Variants in SHISA6 observed in about 807,000 individuals in gnomAD.
SHISA6 encodes the protein protein shisa-6.
In SHISA6, 22 loss-of-function variants were observed where a neutral mutation model predicts 47.9. The observed-to-expected ratio is 0.46, with a 90% confidence interval of 0.33 to 0.66. SHISA6 has a LOEUF of 0.66. Ranked by LOEUF, SHISA6 falls within the 30% of genes least tolerant of loss-of-function variation. The pLI is 0.02. For missense variants in SHISA6, 680 were observed against 764.6 expected, an observed-to-expected ratio of 0.89 and a Z score of 1.30; for synonymous variants, 388 against 337.8, an observed-to-expected ratio of 1.15 and a Z score of -1.63.
rs538921614 is a variant in SHISA6 at position 11,292,036 on chromosome 17, A to C, written c.799+28510A>C. On this transcript the variant is annotated intron_variant, in intron 2 of 5. Transcript: ENST00000441885. ...TCATTCTTTTGTTGTGAGAACACTG[A>C]AAGTCTACTGTCTTAGCAGCGTTCA... Among the ~76,000 whole-genome samples, 21 of 152,300 alleles carry C rather than the reference A, an allele frequency of 1.4e-4. No individual in the cohort carries two copies. The East Asian group carries it at 3.5e-3, about 25-fold the overall frequency.
intron 3 of SHISA6, among the ~76,000 whole-genome samples, chr17:11,407,049 CA>C: frequency 6.6e-6 from 1 of 152,240 alleles, no homozygotes; most frequent in African/African-American, 2.4e-5. Flanking sequence ...TTAAATAGAA[CA>C]AAAGGAGAAG....
chr17:11,546,502 C>T (rs1354530604), intron 3 of SHISA6, among the ~76,000 whole-genome samples: 1 of 152,048 alleles, frequency 6.6e-6, no homozygotes, highest in African/African-American at 2.4e-5. Flanking sequence ...AATAAAATGA[C>T]ACAGAAAGGT....
At chr17:11,365,293 T>C (rs1912411790) in intron 2 of SHISA6, among the ~76,000 whole-genome samples, 3 of 152,164 alleles carry the variant, frequency 2.0e-5, no homozygotes, top group African/African-American at 7.2e-5. Context: ...ATTATTATTA[T>C]TTGAGTTGGA....
At chr17:11,378,845 G>A (rs769677839) in intron 2 of SHISA6, among the ~76,000 whole-genome samples, 2 of 152,122 alleles carry the variant, frequency 1.3e-5, no homozygotes, top group African/African-American at 2.4e-5. Context: ...CTGAAGTCAC[G>A]AGCTGTAGTC....
intron 3 of SHISA6, among the ~76,000 whole-genome samples, chr17:11,416,837 A>G (rs907425014): frequency 6.6e-6 from 1 of 152,138 alleles, no homozygotes; most frequent in Admixed American, 6.5e-5. Flanking sequence ...ACCTGATGTA[A>G]GTCATTTTTA....
intron 2 of SHISA6, among the ~76,000 whole-genome samples, chr17:11,277,318 A>ACACACCC (rs1389004430): frequency 7.8e-6 from 1 of 127,988 alleles, no homozygotes; most frequent in Non-Finnish European, 1.7e-5. Flanking sequence ...ACACACACAC[A>ACACACCC]CCCCGCATGT....
At chr17:11,321,137 C>T (rs1178504937) in intron 2 of SHISA6, among the ~76,000 whole-genome samples, 2 of 152,168 alleles carry the variant, frequency 1.3e-5, no homozygotes, top group Non-Finnish European at 2.9e-5. Flanking sequence ...ATTGTATTGG[C>T]CTTGATCCTC....
intron 3 of SHISA6, among the ~76,000 whole-genome samples, chr17:11,404,786 T>C (rs1913893754): frequency 6.6e-6 from 1 of 152,244 alleles, no homozygotes; most frequent in Admixed American, 6.5e-5. Context: ...TGAGTCATTT[T>C]ACAACAGAAG....
intron 1 of SHISA6, among the ~76,000 whole-genome samples, chr17:11,261,384 CTT>C (rs1908227122): frequency 6.6e-6 from 1 of 152,254 alleles, no homozygotes; most frequent in Non-Finnish European, 1.5e-5. Flanking sequence ...ACCCCTCTCT[CTT>C]GGCTGTGCTG....
chr17:11,352,870 A>T (rs1195026133), intron 2 of SHISA6, among the ~76,000 whole-genome samples: 2 of 152,180 alleles, frequency 1.3e-5, no homozygotes, highest in African/African-American at 4.8e-5. Flanking sequence ...ACCAATACTA[A>T]CTATTTGGGG....
rs35031336 is a variant in SHISA6, at chr17:11,422,998, GAA to G, written c.895+43498_895+43499del. Among the ~76,000 whole-genome samples the G allele has an allele frequency of 4.7e-5, 7 of 147,960 alleles. 1 individual carries two copies. Among genetic ancestry groups the G allele is most frequent in the Non-Finnish European group, 8.9e-5 (6 of 67,168 alleles). Reference sequence around the variant, plus strand: ...AGAAGGGGAAATTCCTAGATTCCAGGAAAAAAAAAACAGAGGGAATTAAAACC... The same window carrying G: ...AGAAGGGGAAATTCCTAGATTCCAGGAAAAAAAACAGAGGGAATTAAAACC... On this transcript the variant is annotated intron_variant, in intron 3 of 5. Coordinates refer to ENST00000441885, the MANE Select transcript of SHISA6 (RefSeq NM_207386.4).
intron 3 of SHISA6, among the ~76,000 whole-genome samples, chr17:11,389,302 C>T (rs778628126): frequency 7.9e-5 from 12 of 152,258 alleles, no homozygotes; most frequent in South Asian, 2.1e-4. Context: ...AGATAGTACC[C>T]GGCAAAGGAG....
chr17:11,509,749 TC>T (rs1413115934), intron 3 of SHISA6, among the ~76,000 whole-genome samples: 1 of 152,126 alleles, frequency 6.6e-6, no homozygotes, highest in African/African-American at 2.4e-5. Context: ...GGCGGCAGTG[TC>T]CCACTCTGGG....
intron 2 of SHISA6, among the ~76,000 whole-genome samples, chr17:11,323,909 A>G (rs1368661099): frequency 6.6e-6 from 1 of 152,096 alleles, no homozygotes; most frequent in East Asian, 1.9e-4. Flanking sequence ...TATGATCCAA[A>G]GCACTTATTT....
intron 3 of SHISA6, among the ~76,000 whole-genome samples, chr17:11,452,413 G>A (rs989017305): frequency 1.3e-5 from 2 of 152,104 alleles, no homozygotes; most frequent in Non-Finnish European, 2.9e-5. Flanking sequence ...ATGGTAGATT[G>A]TACATAGAGT....
intron 2 of SHISA6, among the ~76,000 whole-genome samples, chr17:11,296,107 G>T (rs755937564): frequency 5.3e-5 from 8 of 152,132 alleles, no homozygotes; most frequent in Non-Finnish European, 7.4e-5. Flanking sequence ...TGGAAGAAGG[G>T]GGTGTGAGGG....
intron 3 of SHISA6, among the ~76,000 whole-genome samples, chr17:11,457,953 C>T (rs369249039): frequency 2.2e-4 from 34 of 151,290 alleles, no homozygotes; most frequent in East Asian, 1.8e-3. Context: ...GGCTTAGTGG[C>T]GGGTGCCTGT....
At chr17:11,384,913 C>CT (rs1913144177) in intron 3 of SHISA6, among the ~76,000 whole-genome samples, 1 of 152,184 alleles carries the variant, frequency 6.6e-6, no homozygotes, top group Non-Finnish European at 1.5e-5. Flanking sequence ...AGTGATCGCT[C>CT]TGTTGTAGGA....
chr17:11,353,165 A>C (rs1393377737), intron 2 of SHISA6, among the ~76,000 whole-genome samples: 1 of 152,196 alleles, frequency 6.6e-6, no homozygotes, highest in Admixed American at 6.5e-5. Flanking sequence ...AGTCATAAAA[A>C]AGGAGAACAC....
Sources: gnomAD v4.1 joint callset for allele counts (sites outside exome capture counted in the v4.1 genomes callset) on GRCh38, gnomAD v4.1.1 for gene constraint, MANE v1.5 for transcripts, NCBI Gene and HGNC (gene_info 2026-07-23, HGNC 2026-07-21) for gene names.